CMSS1: variants seen among roughly 807,000 people sequenced by gnomAD.
CMSS1 encodes protein CMSS1.
A neutral mutation model predicts 43.5 loss-of-function variants in CMSS1; 33 were observed. That is an observed-to-expected ratio of 0.76 (90% CI 0.57 to 1.01). CMSS1 has a LOEUF of 1.01. CMSS1 is among the 50% of genes least tolerant of loss of function. The probability of loss-of-function intolerance (pLI) is 0.00; values close to 1 mark genes in which losing one functional copy is unlikely to be tolerated. For synonymous variants in CMSS1, 115 were observed against 117.2 expected (o/e 0.98, Z 0.12); for missense variants, 313 against 326.4 (o/e 0.96, Z 0.32).
In CMSS1 at chr3:100,025,272, C is replaced by A. The variant is rs148641085; in HGVS notation, c.65-121701C>A. Among the ~76,000 whole-genome samples, 1,094 of 152,290 alleles carry A rather than the reference C, an allele frequency of 7.2e-3. 4 individuals carry two copies. The highest frequency in any genetic ancestry group is 1.0e-2 in the African/African-American group (414 of 41,570). ...GCTATTTTTGTTGGTCTAAAGGGCACAGGCCTCTGAAACAAAACTGCTTTT... is the reference window on the plus strand; with the variant it reads ...GCTATTTTTGTTGGTCTAAAGGGCAAAGGCCTCTGAAACAAAACTGCTTTT... On this transcript the variant is annotated intron_variant, in intron 1 of 9. Transcript: ENST00000421999.
intron 1 of CMSS1, among the ~76,000 whole-genome samples, chr3:99,958,236 TA>T (rs1363002307): frequency 6.8e-6 from 1 of 146,888 alleles, no homozygotes; most frequent in Non-Finnish European, 1.5e-5. Flanking sequence ...TTATTATTAT[TA>T]TTATTATTAT....
At chr3:99,969,427 A>G (rs377475994) in intron 1 of CMSS1, among the ~76,000 whole-genome samples, 3 of 152,328 alleles carry the variant, frequency 2.0e-5, no homozygotes, top group African/African-American at 7.2e-5. Context: ...GCAGATTTAT[A>G]TAGTTGCGTC....
chr3:100,149,963 C>T (rs1019198033), intron 2 of CMSS1, among the ~76,000 whole-genome samples: 1 of 152,090 alleles, frequency 6.6e-6, no homozygotes, highest in Non-Finnish European at 1.5e-5. Context: ...GATTTCCCAA[C>T]ACAATTCCCT....
chr3:100,133,964 A>C (rs1041668246), intron 1 of CMSS1, among the ~76,000 whole-genome samples: 12 of 152,188 alleles, frequency 7.9e-5, no homozygotes, highest in Admixed American at 6.5e-4. Context: ...ATTATGTATT[A>C]ATAGTATAAT....
intron 1 of CMSS1, among the ~76,000 whole-genome samples, chr3:99,977,135 G>C: frequency 6.6e-6 from 1 of 152,186 alleles, no homozygotes; most frequent in East Asian, 1.9e-4. Context: ...TGTCATGGAG[G>C]GATGAAGCAA....
intron 1 of CMSS1, among the ~76,000 whole-genome samples, chr3:100,099,428 A>G (rs903804754): frequency 1.3e-5 from 2 of 152,182 alleles, no homozygotes; most frequent in Non-Finnish European, 2.9e-5. Flanking sequence ...CAAGTATACA[A>G]GGGTAAGGAA....
intron 1 of CMSS1, among the ~76,000 whole-genome samples, chr3:99,831,344 C>G (rs1186129204): frequency 6.6e-6 from 1 of 152,070 alleles, no homozygotes; most frequent in Non-Finnish European, 1.5e-5. Context: ...GAAAATGCAC[C>G]CATGCTATTG....
chr3:100,082,876 T>C (rs1435910635), intron 1 of CMSS1, among the ~76,000 whole-genome samples: 1 of 152,240 alleles, frequency 6.6e-6, no homozygotes, highest in Non-Finnish European at 1.5e-5. Flanking sequence ...CTTGGGTTTA[T>C]TTTGTGAGAA....
chr3:99,969,119 G>T (rs1325977332), intron 1 of CMSS1, among the ~76,000 whole-genome samples: 1 of 152,182 alleles, frequency 6.6e-6, no homozygotes, highest in Non-Finnish European at 1.5e-5. Context: ...GCCATGTGTG[G>T]AGGGCAGGGC....
intron 1 of CMSS1, among the ~76,000 whole-genome samples, chr3:99,878,942 G>A (rs1375994978): frequency 1.3e-5 from 2 of 152,094 alleles, no homozygotes; most frequent in Admixed American, 1.3e-4. Context: ...TTCTTCATTT[G>A]TGAAATTCTC....
intron 1 of CMSS1, chr3:99,876,313 C>T (rs944816819): frequency 5.4e-6 from 3 of 560,666 alleles, no homozygotes; most frequent in African/African-American, 4.1e-5. Context: ...CAGCCACACA[C>T]CCCAGCTCCC....
intron 1 of CMSS1, among the ~76,000 whole-genome samples, chr3:99,970,562 A>G (rs1350603570): frequency 6.6e-6 from 1 of 152,252 alleles, no homozygotes; most frequent in East Asian, 1.9e-4. Context: ...GAAACCTAGC[A>G]TATCCCTGCT....
chr3:99,850,792 A>G, intron 1 of CMSS1: 1 of 1,614,126 alleles, frequency 6.2e-7, no homozygotes, highest in South Asian at 1.1e-5. Flanking sequence ...CTGCGTTTGC[A>G]GTTCCTTCTC....
chr3:99,921,065 T>C (rs1265259339), intron 1 of CMSS1, among the ~76,000 whole-genome samples: 1 of 152,154 alleles, frequency 6.6e-6, no homozygotes, highest in Non-Finnish European at 1.5e-5. Flanking sequence ...TTGGGAGTGG[T>C]TTACAACACT....
intron 1 of CMSS1, among the ~76,000 whole-genome samples, chr3:99,910,556 C>T (rs948700202): frequency 7.3e-6 from 1 of 136,830 alleles, no homozygotes. Context: ...CCCCTTACCA[C>T]TTTCCAAGGA....
intron 1 of CMSS1, among the ~76,000 whole-genome samples, chr3:99,998,312 A>G (rs1709740259): frequency 6.6e-6 from 1 of 152,206 alleles, no homozygotes; most frequent in South Asian, 2.1e-4. Flanking sequence ...ATGTTTTCTA[A>G]CTACAGGGTT....
At chr3:100,146,398 G>A (rs552849478) in intron 1 of CMSS1, among the ~76,000 whole-genome samples, 6 of 152,270 alleles carry the variant, frequency 3.9e-5, no homozygotes, top group Admixed American at 1.3e-4. Flanking sequence ...GGCTGGTTCT[G>A]GGTGCAGGCA....
At chr3:100,057,816 A>T (rs2065491150) in intron 1 of CMSS1, among the ~76,000 whole-genome samples, 1 of 152,186 alleles carries the variant, frequency 6.6e-6, no homozygotes, top group African/African-American at 2.4e-5. Flanking sequence ...AGGTTTTTTT[A>T]ACAGGGTCAC....
intron 1 of CMSS1, among the ~76,000 whole-genome samples, chr3:100,091,942 G>A (rs1039045057): frequency 6.6e-6 from 1 of 152,150 alleles, no homozygotes; most frequent in African/African-American, 2.4e-5. Flanking sequence ...AGATTTCTCA[G>A]GTTAGAATCT....
Sources: allele counts gnomAD v4.1 joint callset (sites outside exome capture counted in the v4.1 genomes callset), GRCh38; gene constraint gnomAD v4.1.1; transcripts MANE v1.5; gene names NCBI Gene and HGNC (gene_info 2026-07-23, HGNC 2026-07-21).